CUX1: variants seen among roughly 807,000 people sequenced by gnomAD.
CUX1 encodes the protein cut like homeobox 1.
In CUX1, 31 loss-of-function variants were observed where a neutral mutation model predicts 158.8. The observed-to-expected ratio is 0.20, with a 90% confidence interval of 0.15 to 0.26. The LOEUF is 0.26. Ranked by LOEUF, CUX1 falls within the 10% of genes least tolerant of loss-of-function variation. CUX1 has a pLI of 1.00. For missense variants in CUX1, 1,589 were observed against 2,014.6 expected, an observed-to-expected ratio of 0.79 and a Z score of 4.04; for synonymous variants, 879 against 862.1, an observed-to-expected ratio of 1.02 and a Z score of -0.34.
chr7:102,189,973 C>A, intron 12 of CUX1, 102 bp downstream of exon 12: 1 of 1,263,146 alleles, frequency 7.9e-7, no homozygotes, highest in Non-Finnish European at 1.1e-6. Flanking sequence ...CCCCTGCCCT[C>A]TGGCTCAGCA....
At chr7:102,151,318 C>T (rs1425456875) in intron 8 of CUX1, among the ~76,000 whole-genome samples, 2 of 151,998 alleles carry the variant, frequency 1.3e-5, no homozygotes, top group East Asian at 1.9e-4. Flanking sequence ...TTTGGGAGGC[C>T]GAGGCGGGTG....
At chr7:102,186,592 TATA>T (rs573386105) in intron 11 of CUX1, among the ~76,000 whole-genome samples, 13,484 of 103,316 alleles carry the variant, frequency 0.13, 801 homozygotes, top group Non-Finnish European at 0.18. Flanking sequence ...TATATATATA[TATA>T]TTTTTTTTTA....
At chr7:102,276,311 T>C (rs1468418999) in intron 17 of CUX1, among the ~76,000 whole-genome samples, 1 of 152,196 alleles carries the variant, frequency 6.6e-6, no homozygotes, top group African/African-American at 2.4e-5. Context: ...TTGGTTGTGT[T>C]TGTTTTTTGA....
At chr7:101,940,383 G>A (rs1773421553) in intron 2 of CUX1, among the ~76,000 whole-genome samples, 1 of 152,070 alleles carries the variant, frequency 6.6e-6, no homozygotes, top group Non-Finnish European at 1.5e-5. Context: ...CCTGACCCCC[G>A]CTGGGGGTGC....
intron 2 of CUX1, among the ~76,000 whole-genome samples, chr7:101,969,750 G>A (rs1585127090): frequency 6.6e-6 from 1 of 152,048 alleles, no homozygotes; most frequent in Admixed American, 6.6e-5. Context: ...TTTAAGCATA[G>A]TTTCTATCTT....
intron 1 of CUX1, among the ~76,000 whole-genome samples, chr7:101,909,550 G>T (rs967157527): frequency 2.6e-5 from 4 of 152,170 alleles, no homozygotes; most frequent in African/African-American, 9.6e-5. Flanking sequence ...AGGAACCATG[G>T]CCGACCTTTC....
At position 102,122,929 on chromosome 7, in the gene CUX1, G is replaced by A. The variant is rs1015957502; in HGVS notation, c.674+7656G>A. On this transcript the variant is annotated intron_variant, in intron 8 of 23. Coordinates refer to ENST00000292535, the MANE Select transcript of CUX1 (RefSeq NM_181552.4). ...TCACACACTCTGTACTCAAAAACAC[G>A]TACACATAAATAGAGAGGCAGCCGG... is the stretch of plus-strand genomic sequence containing the variant. Among the ~76,000 whole-genome samples, 13 of 152,082 alleles carry A rather than the reference G, an allele frequency of 8.5e-5. No individual in the cohort carries two copies. The East Asian group carries it at 1.7e-3, about 20-fold the overall frequency.
chr7:102,196,801 TC>T lies in CUX1; in HGVS notation c.1393del (p.Leu465TrpfsTer16). 6.2e-7 allele frequency: 1 copy of T among 1,614,170 alleles called. No homozygotes were observed. The highest frequency in any genetic ancestry group is 8.5e-7 in the Non-Finnish European group (1 of 1,180,042). ...AGLSQDFFSS[S>X]LASPSLPLAS... ...GTTAAGTCAAGACTTTTTCAGCTCATCCCTGGCAAGCCCCAGCCTACCCCTG... is the reference window on the plus strand; with the variant it reads ...GTTAAGTCAAGACTTTTTCAGCTCATCCTGGCAAGCCCCAGCCTACCCCTG... On this transcript the variant is annotated frameshift_variant, in exon 15 of 24. Coordinates refer to ENST00000292535, the MANE Select transcript of CUX1 (RefSeq NM_181552.4). LOFTEE classifies it high-confidence loss of function.
chr7:101,909,900 C>T (rs1390206889), intron 1 of CUX1, among the ~76,000 whole-genome samples: 2 of 152,162 alleles, frequency 1.3e-5, no homozygotes, highest in Non-Finnish European at 2.9e-5. Flanking sequence ...CATACCCCCA[C>T]TTTAAAACAA....
At chr7:102,116,502 G>A (rs1271695144) in intron 8 of CUX1, among the ~76,000 whole-genome samples, 4 of 151,914 alleles carry the variant, frequency 2.6e-5, no homozygotes, top group East Asian at 3.9e-4. Context: ...ATATTTCACC[G>A]AGCATGGCAG....
chr7:101,831,224 C>G lies in CUX1; in HGVS notation c.30+13555C>G, dbSNP rs79956387. Among the ~76,000 whole-genome samples the G allele has an allele frequency of 5.9e-5, 9 of 151,974 alleles. No homozygotes were observed. The East Asian group carries it at 1.7e-3, about 29-fold the overall frequency. ...CATTTATTGAGTGTCTCCTGTGTGC[C>G]GGGCAGCATTCTAGCATAGGGATTG... is the stretch of plus-strand genomic sequence containing the variant. On this transcript the variant is annotated intron_variant, in intron 1 of 23. Transcript: ENST00000292535.
intron 20 of CUX1, among the ~76,000 whole-genome samples, chr7:102,224,744 G>A (rs1169273555): frequency 2.0e-5 from 3 of 152,160 alleles, no homozygotes; most frequent in African/African-American, 7.2e-5. Flanking sequence ...AGAAAGAACT[G>A]TACAGCCTCT....
At chr7:102,137,386 A>G (rs1257519911) in intron 8 of CUX1, among the ~76,000 whole-genome samples, 1 of 152,144 alleles carries the variant, frequency 6.6e-6, no homozygotes, top group Non-Finnish European at 1.5e-5. Flanking sequence ...CTGTAATCCC[A>G]GCGCTTTGGG....
At chr7:102,231,777 G>A (rs1383998809) in intron 21 of CUX1, among the ~76,000 whole-genome samples, 1 of 147,982 alleles carries the variant, frequency 6.8e-6, no homozygotes, top group Non-Finnish European at 1.5e-5. Flanking sequence ...GCAGTGGCAC[G>A]ATCTCGGCTC....
chr7:101,981,772 A>C (rs1813477519), intron 2 of CUX1, among the ~76,000 whole-genome samples: 1 of 152,022 alleles, frequency 6.6e-6, no homozygotes, highest in South Asian at 2.1e-4. Flanking sequence ...CACCACGCCC[A>C]GCTAATGTTT....
At chr7:102,216,712 CCA>C (rs370563729) in intron 20 of CUX1, among the ~76,000 whole-genome samples, 13 of 144,248 alleles carry the variant, frequency 9.0e-5, no homozygotes, top group Non-Finnish European at 1.4e-4. Flanking sequence ...CACGCACTCT[CCA>C]CACACACATG....
At position 102,256,761 on chromosome 7, in the gene CUX1, C is replaced by T; in HGVS notation, c.*7719C>T. 7 of 985,446 alleles carry T rather than the reference C, an allele frequency of 7.1e-6. No individual in the cohort carries two copies. The highest frequency in any genetic ancestry group is 8.4e-6 in the Non-Finnish European group (7 of 829,960). 61.0% of individuals were successfully genotyped at this position (985,446 alleles called of 1,614,324 possible). On this transcript the variant is annotated 3_prime_UTR_variant, in exon 24 of 24. Coordinates refer to ENST00000292535, the MANE Select transcript of CUX1 (RefSeq NM_181552.4). ...GACTTCTGGGTTCATGAAGTTTCGGCGAGCCGTGGTCAGAGAGGGCGCGGT... is the reference window on the plus strand; with the variant it reads ...GACTTCTGGGTTCATGAAGTTTCGGTGAGCCGTGGTCAGAGAGGGCGCGGT...
intron 11 of CUX1, among the ~76,000 whole-genome samples, chr7:102,181,375 A>T (rs1172343254): frequency 1.3e-5 from 2 of 152,148 alleles, no homozygotes; most frequent in African/African-American, 4.8e-5. Flanking sequence ...CGGCATTATG[A>T]TGAGATAATT....
At chr7:102,055,532 G>A (rs1343477175) in intron 3 of CUX1, among the ~76,000 whole-genome samples, 2 of 151,946 alleles carry the variant, frequency 1.3e-5, no homozygotes, top group Non-Finnish European at 2.9e-5. Flanking sequence ...AATTGTTTGG[G>A]GACACCACAA....
Sources: allele counts gnomAD v4.1 joint callset (sites outside exome capture counted in the v4.1 genomes callset), GRCh38; gene constraint gnomAD v4.1.1; transcripts MANE v1.5; gene names NCBI Gene and HGNC (gene_info 2026-07-23, HGNC 2026-07-21).